EDIL3: variants seen among roughly 807,000 people sequenced by gnomAD.
The protein encoded by EDIL3 is EGF like and discoidin domains 3.
Under a neutral mutation model 67.4 loss-of-function variants are expected in EDIL3, and 37 were observed. The ratio of observed to expected loss-of-function variants is 0.55; its 90% CI spans 0.42 to 0.72. EDIL3 has a LOEUF of 0.72. EDIL3 is among the 30% of genes least tolerant of loss of function. The pLI is 0.00. For synonymous variants in EDIL3, 195 were observed against 196.3 expected (o/e 0.99, Z 0.05); for missense variants, 527 against 586.3 (o/e 0.90, Z 1.04).
intron 3 of EDIL3, among the ~76,000 whole-genome samples, chr5:84,205,128 C>A (rs983607569): frequency 1.3e-5 from 2 of 149,610 alleles, no homozygotes; most frequent in African/African-American, 4.9e-5. Flanking sequence ...GTTGCCCAGG[C>A]TAGTCTCAAA....
chr5:84,364,470 C>T (rs1424601369), intron 1 of EDIL3, among the ~76,000 whole-genome samples: 2 of 152,088 alleles, frequency 1.3e-5, no homozygotes, highest in African/African-American at 2.4e-5. Context: ...TAAACAATTG[C>T]AGTAGGTAGC....
At chr5:84,333,477 C>G (rs907222080) in intron 1 of EDIL3, among the ~76,000 whole-genome samples, 2 of 151,940 alleles carry the variant, frequency 1.3e-5, no homozygotes, top group African/African-American at 4.8e-5. Flanking sequence ...TTAACAAGAT[C>G]AAAAGCACAA....
Position 84,333,624 on chromosome 5 carries a change from A to G in EDIL3, c.67+50684T>C, listed in dbSNP as rs370121328. Among the ~76,000 whole-genome samples the G allele has an allele frequency of 1.1e-4, 16 of 152,282 alleles. No individual in the cohort carries two copies. The South Asian group carries it at 2.3e-3, about 22-fold the overall frequency. ...TGTTTTTCATTTTTTAAATTTTGGA[A>G]GCATACACTTTTCATTAATTAGACT... is the stretch of plus-strand genomic sequence containing the variant. On this transcript the variant is annotated intron_variant, in intron 1 of 10. Coordinates refer to ENST00000296591, the MANE Select transcript of EDIL3 (RefSeq NM_005711.5).
At chr5:84,254,044 T>G in intron 2 of EDIL3, 40 bp downstream of exon 2, 1 of 1,540,236 alleles carries the variant, frequency 6.5e-7, no homozygotes, top group Non-Finnish European at 8.8e-7. Flanking sequence ...TTCATGGAAA[T>G]AAAAAGATAA....
chr5:84,142,177 A>G (rs1748211926), intron 4 of EDIL3, among the ~76,000 whole-genome samples: 1 of 151,798 alleles, frequency 6.6e-6, no homozygotes, highest in African/African-American at 2.4e-5. Flanking sequence ...AGTTTTTAAA[A>G]TGGAAATTAT....
At chr5:84,346,135 C>CTTTTTTTTTTT (rs912729041) in intron 1 of EDIL3, among the ~76,000 whole-genome samples, 8 of 122,902 alleles carry the variant, frequency 6.5e-5, no homozygotes, top group Non-Finnish European at 6.6e-5. Context: ...CTTTTTTTTT[C>CTTTTTTTTTTT]TTTTTTTTTT....
chr5:84,192,432 A>T (rs1318550988), intron 3 of EDIL3, among the ~76,000 whole-genome samples: 1 of 152,000 alleles, frequency 6.6e-6, no homozygotes, highest in Non-Finnish European at 1.5e-5. Context: ...GATCATTTGC[A>T]TTCCTAGAAC....
At chr5:84,178,317 C>T (rs1475283192) in intron 4 of EDIL3, among the ~76,000 whole-genome samples, 3 of 152,106 alleles carry the variant, frequency 2.0e-5, no homozygotes, top group Non-Finnish European at 4.4e-5. Context: ...TCCTGATGCA[C>T]GAGCACATTT....
intron 6 of EDIL3, among the ~76,000 whole-genome samples, chr5:84,079,771 A>T (rs897200600): frequency 4.6e-5 from 7 of 152,068 alleles, no homozygotes; most frequent in South Asian, 2.1e-4. Context: ...TAAGGGATTT[A>T]AAAAAATAAA....
At chr5:84,361,429 C>T (rs1040416421) in intron 1 of EDIL3, among the ~76,000 whole-genome samples, 3 of 151,976 alleles carry the variant, frequency 2.0e-5, no homozygotes, top group South Asian at 2.1e-4. Flanking sequence ...AGAAGAGGCA[C>T]TTATTTATGC....
intron 4 of EDIL3, among the ~76,000 whole-genome samples, chr5:84,174,233 G>A (rs928848424): frequency 6.6e-6 from 1 of 152,180 alleles, no homozygotes; most frequent in African/African-American, 2.4e-5. Context: ...GCAGAGAGAT[G>A]GCAAGGGCAG....
At chr5:84,124,478 T>A (rs890008223) in intron 5 of EDIL3, among the ~76,000 whole-genome samples, 10 of 142,282 alleles carry the variant, frequency 7.0e-5, no homozygotes, top group African/African-American at 2.5e-4. Flanking sequence ...ACAGGTGAAA[T>A]GTCAACAGTT....
At chr5:84,149,407 G>C (rs1035298675) in intron 4 of EDIL3, among the ~76,000 whole-genome samples, 9 of 152,148 alleles carry the variant, frequency 5.9e-5, no homozygotes, top group Admixed American at 4.6e-4. Context: ...CTGTTTCATG[G>C]GGCATTGGGC....
intron 2 of EDIL3, among the ~76,000 whole-genome samples, chr5:84,238,663 ATG>A (rs1179246609): frequency 1.9e-4 from 5 of 26,664 alleles, no homozygotes; most frequent in Non-Finnish European, 3.3e-4. Flanking sequence ...CTAAAATTAA[ATG>A]TTTTTTTTTT....
At chr5:84,278,815 T>C (rs1054819349) in intron 1 of EDIL3, among the ~76,000 whole-genome samples, 1 of 152,174 alleles carries the variant, frequency 6.6e-6, no homozygotes, top group Admixed American at 6.5e-5. Context: ...TGACTCCTCC[T>C]GTTCTCTTTG....
intron 1 of EDIL3, among the ~76,000 whole-genome samples, chr5:84,277,556 GATCAGT>G (rs1745607236): frequency 6.6e-6 from 1 of 152,110 alleles, no homozygotes; most frequent in Admixed American, 6.5e-5. Flanking sequence ...CAGTTGTTAA[GATCAGT>G]ATTTGAAATA....
At chr5:84,206,147 T>A (rs1743973270) in intron 3 of EDIL3, among the ~76,000 whole-genome samples, 1 of 151,916 alleles carries the variant, frequency 6.6e-6, no homozygotes, top group South Asian at 2.1e-4. Flanking sequence ...AACATCTTTA[T>A]TTCTGCCTTC....
chr5:84,240,869 A>T (rs923422968), intron 2 of EDIL3, among the ~76,000 whole-genome samples: 1 of 151,656 alleles, frequency 6.6e-6, no homozygotes, highest in Non-Finnish European at 1.5e-5. Context: ...TCCTATTAAA[A>T]CACCTTATAA....
In EDIL3 at chr5:84,157,480, C is replaced by A. The variant is rs899681182; in HGVS notation, c.356-20126G>T. On this transcript the variant is annotated intron_variant, in intron 4 of 10. Transcript: ENST00000296591. ...GTGTAATTGAAAAATTTACTTTTTT[C>A]AATTAAAAATATGTATGTATGTATG... Among the ~76,000 whole-genome samples, 7 of 151,926 alleles carry A rather than the reference C, an allele frequency of 4.6e-5. No individual in the cohort carries two copies. The South Asian group carries it at 1.5e-3, about 32-fold the overall frequency.
Sources: allele counts gnomAD v4.1 joint callset (sites outside exome capture counted in the v4.1 genomes callset), GRCh38; gene constraint gnomAD v4.1.1; transcripts MANE v1.5; gene names NCBI Gene and HGNC (gene_info 2026-07-23, HGNC 2026-07-21).